Variants in C11orf65 observed in about 807,000 individuals in gnomAD.
The protein encoded by C11orf65 is chromosome 11 open reading frame 65, also known as protein MFI.
A neutral mutation model predicts 35.3 loss-of-function variants in C11orf65; 38 were observed. The ratio of observed to expected loss-of-function variants is 1.08; its 90% confidence interval spans 0.83 to 1.41. The LOEUF (loss-of-function observed/expected upper bound fraction) is 1.41, where lower values mean the gene tolerates loss of function less well. C11orf65 is among the 40% of genes most tolerant of loss of function. C11orf65 has a pLI of 0.00. For synonymous variants in C11orf65, 105 were observed against 114.4 expected, an observed-to-expected ratio of 0.92 and a Z score of 0.53; for missense variants, 370 against 367.1, an observed-to-expected ratio of 1.01 and a Z score of -0.06.
intron 2 of C11orf65, among the ~76,000 whole-genome samples, chr11:108,372,471 G>A (rs1236122260): frequency 6.6e-6 from 1 of 152,182 alleles, no homozygotes; most frequent in Non-Finnish European, 1.5e-5. Context: ...GGGATTACAG[G>A]CGTGAGCCAC....
intron 2 of C11orf65, 66 bp downstream of exon 2, chr11:108,461,412 TG>T: frequency 7.9e-7 from 1 of 1,270,850 alleles, no homozygotes; most frequent in Non-Finnish European, 1.1e-6. Flanking sequence ...AAAAAAAAAT[TG>T]AACTGTACAC....
intron 2 of C11orf65, among the ~76,000 whole-genome samples, chr11:108,446,412 C>CTG (rs2093259018): frequency 6.6e-6 from 1 of 151,582 alleles, no homozygotes; most frequent in Non-Finnish European, 1.5e-5. Context: ...AAGGGAAGCC[C>CTG]ATCAGACTAA....
At chr11:108,336,258 C>T in intron 2 of C11orf65, 1 of 336,650 alleles carries the variant, frequency 3.0e-6, no homozygotes, top group South Asian at 2.9e-5. Flanking sequence ...TGAGCTCAAA[C>T]TCTGCAGTGA....
chr11:108,395,315 A>G (rs907840083), intron 6 of C11orf65, among the ~76,000 whole-genome samples: 2 of 151,086 alleles, frequency 1.3e-5, no homozygotes, highest in Non-Finnish European at 2.9e-5. Context: ...AAATAGGGAC[A>G]ACCTGTCTCT....
downstream of C11orf65, chr11:108,330,287 C>A (rs201314561): frequency 6.2e-7 from 1 of 1,614,160 alleles, no homozygotes; most frequent in South Asian, 1.1e-5. Context: ...GGATCGTAAA[C>A]GCTTCTTATG....
chr11:108,391,604 C>T (rs920762386), intron 7 of C11orf65, among the ~76,000 whole-genome samples: 11 of 152,160 alleles, frequency 7.2e-5, no homozygotes, highest in African/African-American at 2.4e-4. Context: ...GTCTTGAACT[C>T]GGGACCTCAA....
rs562046993 is a variant in C11orf65, at chr11:108,395,418, G to A, written c.561-2040C>T. On this transcript the variant is annotated intron_variant, in intron 6 of 8. Coordinates refer to ENST00000393084, the MANE Select transcript of C11orf65 (RefSeq NM_152587.5). ...CGGCTCACTGCAACCTCCACCTCCC[G>A]GGTTCAAGCAATTCTCCTGCCCCAG... 9.3e-5 allele frequency among the ~76,000 whole-genome samples: 14 copies of A among 151,106 alleles called. No homozygotes were observed. The East Asian group carries it at 1.2e-3, about 13-fold the overall frequency.
intron 2 of C11orf65, among the ~76,000 whole-genome samples, chr11:108,372,220 G>A (rs1323035691): frequency 6.6e-6 from 1 of 151,936 alleles, no homozygotes; most frequent in East Asian, 1.9e-4. Context: ...CTGAGATGGA[G>A]TCCCGCTCTG....
rs184130231 is a variant in C11orf65, at chr11:108,363,449, C to G, written c.227-28157G>C. On this transcript the variant is annotated intron_variant, in intron 2 of 3. Transcript: ENST00000524755. ...TGTGTTATGCTAAGGAAATATATCTCTCCCTCTAACTCAGTGATGCTTAGC... is the reference window on the plus strand; with the variant it reads ...TGTGTTATGCTAAGGAAATATATCTGTCCCTCTAACTCAGTGATGCTTAGC... Among the ~76,000 whole-genome samples, 7 of 152,306 alleles carry G rather than the reference C, an allele frequency of 4.6e-5. No homozygotes were observed. In the East Asian group the frequency reaches 1.3e-3, roughly 29 times the overall value.
intron 6 of C11orf65, among the ~76,000 whole-genome samples, chr11:108,322,748 A>G (rs554173875): frequency 6.6e-6 from 1 of 152,066 alleles, no homozygotes; most frequent in Non-Finnish European, 1.5e-5. Context: ...TCAGCTTAAA[A>G]GTGCTTTTCT....
chr11:108,413,733 A>G (rs557629751), intron 3 of C11orf65, among the ~76,000 whole-genome samples: 5 of 152,326 alleles, frequency 3.3e-5, no homozygotes, highest in East Asian at 1.9e-4. Context: ...TCACACCTCA[A>G]TAGTATTAAA....
At chr11:108,412,674 C>T (rs1276002228) in intron 3 of C11orf65, among the ~76,000 whole-genome samples, 3 of 152,036 alleles carry the variant, frequency 2.0e-5, no homozygotes, top group Non-Finnish European at 2.9e-5. Context: ...AGGTCAAGGG[C>T]GGCAGTGACC....
intron 2 of C11orf65, among the ~76,000 whole-genome samples, chr11:108,445,589 T>C (rs373551839): frequency 5.7e-4 from 86 of 151,836 alleles, no homozygotes; most frequent in Admixed American, 3.7e-3. Context: ...AACTAACAAA[T>C]AGAAAGGACA....
chr11:108,437,282 G>A (rs185335397), intron 2 of C11orf65, among the ~76,000 whole-genome samples: 1 of 150,766 alleles, frequency 6.6e-6, no homozygotes, highest in Non-Finnish European at 1.5e-5. Context: ...GCAAGAACTT[G>A]CCTCTCAAAA....
chr11:108,317,528 A>T, intron 6 of C11orf65: 1 of 1,598,702 alleles, frequency 6.3e-7, no homozygotes. Context: ...TCAGGTAAGA[A>T]ATTTGACTTG....
At chr11:108,345,664 T>C (rs2088246176) in intron 2 of C11orf65, 2 of 1,196,626 alleles carry the variant, frequency 1.7e-6, no homozygotes, top group Non-Finnish European at 2.3e-6. Flanking sequence ...ATATCTGTCA[T>C]ATTTTTATAT....
chr11:108,325,266 T>TTC, intron 6 of C11orf65: 4 of 1,105,276 alleles, frequency 3.6e-6, no homozygotes, highest in East Asian at 2.4e-5. Context: ...TTTTTTTTTT[T>TTC]TTCATTTCTC....
At chr11:108,464,041 C>CT (rs2135787871) in intron 1 of C11orf65, among the ~76,000 whole-genome samples, 1 of 150,370 alleles carries the variant, frequency 6.7e-6, no homozygotes, top group East Asian at 2.0e-4. Context: ...ATTCTCATGT[C>CT]TCAGCCTCCT....
intron 6 of C11orf65, among the ~76,000 whole-genome samples, chr11:108,404,026 A>G (rs1466033260): frequency 6.6e-6 from 1 of 152,138 alleles, no homozygotes; most frequent in East Asian, 1.9e-4. Context: ...CATCTGGAGA[A>G]GTCTGCACAT....
Sources: gnomAD v4.1 joint callset for allele counts (sites outside exome capture counted in the v4.1 genomes callset) on GRCh38, gnomAD v4.1.1 for gene constraint, MANE v1.5 for transcripts, NCBI Gene and HGNC (gene_info 2026-07-23, HGNC 2026-07-21) for gene names.